Variants in IL1RAPL1 observed in about 807,000 individuals in gnomAD.
The protein encoded by IL1RAPL1 is interleukin 1 receptor accessory protein like 1, also known as interleukin-1 receptor accessory protein-like 1.
In IL1RAPL1, 3 loss-of-function variants were observed where a neutral mutation model predicts 48.4. That is an observed-to-expected ratio of 0.06 (90% confidence interval 0.03 to 0.16). The LOEUF is 0.16. IL1RAPL1 is among the 10% of genes least tolerant of loss of function. The pLI is 1.00. For missense variants in IL1RAPL1, 349 were observed against 530.6 expected (o/e 0.66, Z 3.36); for synonymous variants, 185 against 187.7 (o/e 0.99, Z 0.12).
rs144008722 is a variant in IL1RAPL1, at chrX:28,713,822, G to T, written c.-24-75498G>T. Reference sequence around the variant, plus strand: ...TTACAGACTAAATATGACAAAAAAAGGTCTGTGAGAGTTTTAAGTTCTGCC... The same window carrying T: ...TTACAGACTAAATATGACAAAAAAATGTCTGTGAGAGTTTTAAGTTCTGCC... On this transcript the variant is annotated intron_variant, in intron 1 of 10. Coordinates refer to ENST00000378993, the MANE Select transcript of IL1RAPL1 (RefSeq NM_014271.4). Among the ~76,000 whole-genome samples the T allele has an allele frequency of 6.1e-3, 675 of 111,527 alleles. 3 individuals are homozygous for T. The highest frequency in any genetic ancestry group is 9.8e-3 in the Non-Finnish European group (522 of 53,093).
chrX:28,821,491 A>G (rs1417867965), intron 2 of IL1RAPL1, among the ~76,000 whole-genome samples: 2 of 111,827 alleles, frequency 1.8e-5, no homozygotes, highest in Admixed American at 1.9e-4. Context: ...TCAGTGTACT[A>G]GAACACTTTC....
rs772962253 is a variant in IL1RAPL1 at position 29,700,190 on chromosome X, A to G, written c.778+31686A>G. On this transcript the variant is annotated intron_variant, in intron 6 of 10. Coordinates refer to ENST00000378993, the MANE Select transcript of IL1RAPL1 (RefSeq NM_014271.4). ...CAAAAATTTTTAATAAGTTTGAGGC[A>G]AAAGACTGGTTTGCTTTTCCCTTAT... is the stretch of plus-strand genomic sequence containing the variant. Among the ~76,000 whole-genome samples the G allele has an allele frequency of 2.7e-5, 3 of 112,321 alleles. No individual in the cohort carries two copies. The Admixed American group carries it at 2.8e-4, about 11-fold the overall frequency.
At chrX:28,641,684 A>G (rs1435844291) in intron 1 of IL1RAPL1, among the ~76,000 whole-genome samples, 1 of 111,603 alleles carries the variant, frequency 9.0e-6, no homozygotes, top group Non-Finnish European at 1.9e-5. Context: ...CACTCCCACC[A>G]ACAGTGTAAA....
At chrX:28,843,926 A>G (rs1331665929) in intron 2 of IL1RAPL1, among the ~76,000 whole-genome samples, 2 of 110,253 alleles carry the variant, frequency 1.8e-5, no homozygotes, top group Admixed American at 9.7e-5. Flanking sequence ...GGAGTTTGCT[A>G]CTTGAAAATC....
chrX:29,933,672 A>AG (rs1555938445), intron 8 of IL1RAPL1, among the ~76,000 whole-genome samples: 3 of 109,949 alleles, frequency 2.7e-5, no homozygotes, highest in South Asian at 3.8e-4. Context: ...AAAAAAAAAA[A>AG]AGAGAGAGAA....
chrX:29,568,136 C>T (rs917574384), intron 5 of IL1RAPL1, among the ~76,000 whole-genome samples: 3 of 95,263 alleles, frequency 3.1e-5, no homozygotes, highest in Admixed American at 1.1e-4. Context: ...TCAAGAATAA[C>T]AGATTATTCT....
chrX:29,533,866 C>T (rs1921128984), intron 5 of IL1RAPL1, among the ~76,000 whole-genome samples: 2 of 111,782 alleles, frequency 1.8e-5, no homozygotes, highest in East Asian at 2.8e-4. Context: ...GGAATGTGTT[C>T]CCACAAAGTT....
intron 5 of IL1RAPL1, among the ~76,000 whole-genome samples, chrX:29,524,158 G>A (rs919075453): frequency 4.1e-5 from 4 of 96,438 alleles, no homozygotes; most frequent in Non-Finnish European, 8.3e-5. Context: ...TTTAAGTCTG[G>A]TTTATTCTCA....
At chrX:29,148,765 G>A (rs781008107) in intron 2 of IL1RAPL1, among the ~76,000 whole-genome samples, 61 of 111,709 alleles carry the variant, frequency 5.5e-4, no homozygotes, top group Non-Finnish European at 3.2e-4. Flanking sequence ...ATGGATAACT[G>A]AGATGTAGTT....
At chrX:28,728,961 A>G (rs1052726764) in intron 1 of IL1RAPL1, among the ~76,000 whole-genome samples, 4 of 111,487 alleles carry the variant, frequency 3.6e-5, no homozygotes, top group Non-Finnish European at 7.5e-5. Flanking sequence ...TTCAAGTTGT[A>G]TTTCTTTTTC....
chrX:28,768,189 A>G (rs1175746222), intron 1 of IL1RAPL1, among the ~76,000 whole-genome samples: 1 of 111,819 alleles, frequency 8.9e-6, no homozygotes, highest in Non-Finnish European at 1.9e-5. Context: ...AGTTCTAACT[A>G]CAGGCCTAGT....
At chrX:29,920,794 C>CAAAA (rs1176529100) in intron 8 of IL1RAPL1, among the ~76,000 whole-genome samples, 135 of 31,594 alleles carry the variant, frequency 4.3e-3, no homozygotes, top group Middle Eastern at 0.024. Flanking sequence ...GACCCTGTCT[C>CAAAA]AAAAAAAAAA....
At chrX:28,738,235 TAC>T (rs1352716559) in intron 1 of IL1RAPL1, among the ~76,000 whole-genome samples, 3 of 111,729 alleles carry the variant, frequency 2.7e-5, no homozygotes, top group Non-Finnish European at 5.6e-5. Context: ...AGAATTGTCC[TAC>T]AGGACAGAAA....
At chrX:28,860,327 C>G (rs1921908935) in intron 2 of IL1RAPL1, among the ~76,000 whole-genome samples, 1 of 111,087 alleles carries the variant, frequency 9.0e-6, no homozygotes, top group Non-Finnish European at 1.9e-5. Context: ...TAGCTCATTA[C>G]TTTGTTTTGA....
rs746994199 is a variant in IL1RAPL1, at chrX:29,443,231, G to GCGCTCTCTCTCT, written c.703+43924_703+43925insGCTCTCTCTCTC. Among the ~76,000 whole-genome samples the GCGCTCTCTCTCT allele has an allele frequency of 1.3e-3, 125 of 93,962 alleles. No individual in the cohort carries two copies. The East Asian group carries it at 0.031, about 23-fold the overall frequency. 81.6% of individuals were successfully genotyped at this position (93,962 alleles called of 115,157 possible). Reference sequence around the variant, plus strand: ...GGAACTGAAGTGTGTGCTCTCGCTTGCTCTCTCTCTCTCTCTCTCTCTCTC... The same window carrying GCGCTCTCTCTCT: ...GGAACTGAAGTGTGTGCTCTCGCTTGCGCTCTCTCTCTCTCTCTCTCTCTCTCTCTCTCTCTC... On this transcript the variant is annotated intron_variant, in intron 5 of 10. Coordinates refer to ENST00000378993, the MANE Select transcript of IL1RAPL1 (RefSeq NM_014271.4).
At chrX:29,408,722 T>C (rs1175225149) in intron 5 of IL1RAPL1, among the ~76,000 whole-genome samples, 6 of 111,991 alleles carry the variant, frequency 5.4e-5, no homozygotes, top group Non-Finnish European at 1.1e-4. Context: ...ATTTACGCTC[T>C]CAAAAGGTAC....
At chrX:28,964,121 A>G (rs1225615333) in intron 2 of IL1RAPL1, among the ~76,000 whole-genome samples, 1 of 111,545 alleles carries the variant, frequency 9.0e-6, no homozygotes, top group African/African-American at 3.3e-5. Context: ...TTAGTTTTAT[A>G]AATAGATGTG....
chrX:29,355,202 C>A lies in IL1RAPL1; in HGVS notation c.363-41056C>A, dbSNP rs139734355. Among the ~76,000 whole-genome samples the A allele has an allele frequency of 2.2e-3, 249 of 111,749 alleles. 1 individual carries two copies. The highest frequency in any genetic ancestry group is 7.8e-3 in the African/African-American group (241 of 30,866). Reference sequence around the variant, plus strand: ...GGTAACTTCTACTTTGTTTGCAGAGCTTCACATGTGTCTGCTATTTCTCAA... The same window carrying A: ...GGTAACTTCTACTTTGTTTGCAGAGATTCACATGTGTCTGCTATTTCTCAA... On this transcript the variant is annotated intron_variant, in intron 3 of 10. Transcript: ENST00000378993.
intron 3 of IL1RAPL1, among the ~76,000 whole-genome samples, chrX:29,302,656 G>A (rs950714311): frequency 8.9e-6 from 1 of 111,813 alleles, no homozygotes; most frequent in Non-Finnish European, 1.9e-5. Flanking sequence ...TACACAAAAA[G>A]GTTCAGGGAG....
Sources: allele counts gnomAD v4.1 joint callset (sites outside exome capture counted in the v4.1 genomes callset), GRCh38; gene constraint gnomAD v4.1.1; transcripts MANE v1.5; gene names NCBI Gene and HGNC (gene_info 2026-07-23, HGNC 2026-07-21).